Variants in NHSL1 observed in about 807,000 individuals in gnomAD.
NHSL1 encodes the protein NHS-like protein 1.
Under a neutral mutation model 95.0 loss-of-function variants are expected in NHSL1, and 48 were observed. The observed-to-expected ratio is 0.51, with a 90% confidence interval of 0.40 to 0.64. The LOEUF (loss-of-function observed/expected upper bound fraction) is 0.64. Among genes scored for constraint, NHSL1 ranks in the 30% least tolerant of loss-of-function variants. The pLI, the probability that NHSL1 is intolerant of heterozygous loss-of-function variation, is 0.00. For missense variants in NHSL1, 1,971 were observed against 2,077.7 expected (o/e 0.95, Z 1.00); for synonymous variants, 783 against 833.9 (o/e 0.94, Z 1.05).
Position 138,432,757 on chromosome 6 carries a change from G to C in NHSL1, c.1588C>G (p.Pro530Ala). 1 of 1,551,674 alleles carries C rather than the reference G, an allele frequency of 6.4e-7. No homozygotes were observed. The highest frequency in any genetic ancestry group is 8.7e-7 in the Non-Finnish European group (1 of 1,146,974). Residue 530 changes from proline (P) to alanine (A), a missense_variant, in exon 6 of 8, where the codon CCC becomes GCC. By Grantham distance (27) the Pro-to-Ala change is conservative. This residue lies in a region of NHSL1 where 1,602 missense variants were observed against 1,654.5 expected (regional missense o/e 0.97). Coordinates refer to ENST00000343505, the MANE Select transcript of NHSL1 (RefSeq NM_001144060.2). The surrounding 1 kb of genome is among the most constrained non-coding windows in gnomAD (Gnocchi z 4.4). ...CRNNLAFPAH[P>A]QDVDGKSESS... ...TCACTCTTGCCATCCACATCTTGGG[G>C]GTGGGCTGGGAAGGCCAGGTTGTTT...
At chr6:138,519,546 T>C (rs1359709600) in intron 1 of NHSL1, among the ~76,000 whole-genome samples, 1 of 152,200 alleles carries the variant, frequency 6.6e-6, no homozygotes, top group Non-Finnish European at 1.5e-5. Context: ...GGAATGACAT[T>C]TGCACAAGAT....
intron 1 of NHSL1, among the ~76,000 whole-genome samples, chr6:138,594,202 G>C (rs771233053): frequency 6.6e-6 from 1 of 152,146 alleles, no homozygotes; most frequent in Non-Finnish European, 1.5e-5. Flanking sequence ...CTAAGCAACA[G>C]AGAAAGGGTT....
chr6:138,582,373 G>GA (rs1334876761), intron 1 of NHSL1, among the ~76,000 whole-genome samples: 1 of 147,172 alleles, frequency 6.8e-6, no homozygotes, highest in Non-Finnish European at 1.5e-5. Context: ...TAAAAGAACA[G>GA]AAAAAAAAGA....
chr6:138,670,649 A>C (rs62432553), intron 1 of NHSL1, among the ~76,000 whole-genome samples: 1 of 143,322 alleles, frequency 7.0e-6, no homozygotes, highest in African/African-American at 2.6e-5. Flanking sequence ...CTGGGCGACA[A>C]AGCGAGACTC....
At position 138,532,890 on chromosome 6, in the gene NHSL1, GA is replaced by G. The variant is rs142285349; in HGVS notation, c.16+12732del. ...AAATGATGAGCCCACTTACAAGACAGAAGCTGAAAAGGCAGCCTATCAGAGG... is the reference window on the plus strand; with the variant it reads ...AAATGATGAGCCCACTTACAAGACAGAGCTGAAAAGGCAGCCTATCAGAGG... On this transcript the variant is annotated intron_variant, in intron 1 of 4. Transcript: ENST00000342260. Among the ~76,000 whole-genome samples the G allele has an allele frequency of 5.7e-3, 872 of 152,272 alleles. 7 individuals carry two copies. Among genetic ancestry groups the G allele is most frequent in the African/African-American group, 0.02 (835 of 41,544 alleles).
intron 1 of NHSL1, among the ~76,000 whole-genome samples, chr6:138,533,725 A>C (rs1460485282): frequency 1.3e-5 from 2 of 150,492 alleles, no homozygotes; most frequent in Non-Finnish European, 2.9e-5. Context: ...GAAAGTGCTT[A>C]GATAAAGGGT....
chr6:138,654,071 A>G (rs1158397267), intron 1 of NHSL1, among the ~76,000 whole-genome samples: 1 of 152,208 alleles, frequency 6.6e-6, no homozygotes, highest in African/African-American at 2.4e-5. Context: ...AAGACACTCC[A>G]AAGAGGTGAC....
At chr6:138,642,575 A>C (rs1347870197) in intron 1 of NHSL1, among the ~76,000 whole-genome samples, 3 of 152,236 alleles carry the variant, frequency 2.0e-5, no homozygotes, top group African/African-American at 7.2e-5. Context: ...TGATTATTCC[A>C]GATTGTCGTG....
intron 1 of NHSL1, among the ~76,000 whole-genome samples, chr6:138,551,997 G>A (rs913538289): frequency 6.6e-6 from 1 of 152,198 alleles, no homozygotes; most frequent in Non-Finnish European, 1.5e-5. Context: ...TAACCATGGA[G>A]CAGTAAGGCA....
chr6:138,581,791 G>C (rs1277406817), intron 1 of NHSL1, among the ~76,000 whole-genome samples: 2 of 151,598 alleles, frequency 1.3e-5, no homozygotes, highest in African/African-American at 2.4e-5. Context: ...CACTGGGTTG[G>C]TGTGGCCTCA....
intron 1 of NHSL1, among the ~76,000 whole-genome samples, chr6:138,568,127 G>C (rs1350196320): frequency 6.6e-6 from 1 of 152,206 alleles, no homozygotes; most frequent in Non-Finnish European, 1.5e-5. Context: ...ATTAAATCTT[G>C]TTCAGTTAAA....
intron 2 of NHSL1, 22 bp downstream of exon 2, chr6:138,496,197 C>T: frequency 6.4e-7 from 1 of 1,550,458 alleles, no homozygotes; most frequent in Non-Finnish European, 8.7e-7. Flanking sequence ...AGAAAATAAG[C>T]TCACAGAGGA....
At chr6:138,487,226 C>T (rs1189830625) in intron 2 of NHSL1, among the ~76,000 whole-genome samples, 1 of 152,128 alleles carries the variant, frequency 6.6e-6, no homozygotes, top group East Asian at 1.9e-4. Flanking sequence ...TTTCTAGATG[C>T]TAAGAGCTTA....
chr6:138,460,805 C>T (rs1389771619), intron 3 of NHSL1, among the ~76,000 whole-genome samples: 1 of 151,258 alleles, frequency 6.6e-6, no homozygotes, highest in Non-Finnish European at 1.5e-5. Context: ...CTTAGCACTG[C>T]CCCTCTGTGA....
At chr6:138,609,083 A>G (rs189692367) in intron 1 of NHSL1, among the ~76,000 whole-genome samples, 1 of 152,214 alleles carries the variant, frequency 6.6e-6, no homozygotes, top group African/African-American at 2.4e-5. Flanking sequence ...CACGATCCCC[A>G]AAGATTAAGA....
chr6:138,633,209 C>T (rs1471608868), intron 1 of NHSL1, among the ~76,000 whole-genome samples: 1 of 151,924 alleles, frequency 6.6e-6, no homozygotes, highest in Non-Finnish European at 1.5e-5. Flanking sequence ...CAAAAAATAG[C>T]CTCAAAGAGA....
At chr6:138,504,978 C>G (rs188956931) in intron 1 of NHSL1, among the ~76,000 whole-genome samples, 1 of 152,150 alleles carries the variant, frequency 6.6e-6, no homozygotes. Flanking sequence ...GACTCTGTTA[C>G]GACCCATGCT....
chr6:138,431,638 T>G lies in NHSL1; in HGVS notation c.2707A>C (p.Thr903Pro), dbSNP rs1394517834. ...ISSVSISSSS[T>P]SLSSSTSTEG... is the part of the protein sequence containing the mutation. ...GTAGAAGTACTAGAAGAAAGAGAAG[T>G]GGACGATGAGGAAATGGATACTGAA... Residue 903 changes from threonine to proline, a missense_variant, in exon 6 of 8, where the codon ACT becomes CCT. This residue lies in a region of NHSL1 where 1,602 missense variants were observed against 1,654.5 expected (regional missense o/e 0.97). Transcript: ENST00000343505. This position sits in a 1 kb window ranked among gnomAD's most constrained non-coding sequence, Gnocchi z 4.0. The G allele has an allele frequency of 6.4e-7, 1 of 1,551,492 alleles. No homozygotes were observed. The highest frequency in any genetic ancestry group is 8.7e-7 in the Non-Finnish European group (1 of 1,146,884).
chr6:138,561,189 T>C (rs1371763512), intron 1 of NHSL1, among the ~76,000 whole-genome samples: 1 of 152,186 alleles, frequency 6.6e-6, no homozygotes, highest in African/African-American at 2.4e-5. Flanking sequence ...AAAACAAACC[T>C]ACAATACTAC....
Sources: gnomAD v4.1 joint callset for allele counts (sites outside exome capture counted in the v4.1 genomes callset) on GRCh38, gnomAD v4.1.1 for gene constraint, gnomAD v4.1.1 regional missense constraint, Gnocchi (gnomAD v3.1) non-coding constraint, MANE v1.5 for transcripts, NCBI Gene and HGNC (gene_info 2026-07-23, HGNC 2026-07-21) for gene names.